The following PIK3C2G variants were observed in gnomAD, a reference collection of about 807,000 sequenced individuals.
PIK3C2G encodes phosphatidylinositol 3-kinase C2 domain-containing subunit gamma.
PIK3C2G carries 168 observed loss-of-function variants against 181.1 expected under a neutral mutation model. The observed-to-expected ratio is 0.93, with a 90% CI of 0.82 to 1.05. The LOEUF is 1.05. Among genes scored for constraint, PIK3C2G ranks in the 50% least tolerant of loss-of-function variants. The probability of loss-of-function intolerance (pLI) is 0.00; values close to 1 mark genes in which losing one functional copy is unlikely to be tolerated. For missense variants in PIK3C2G, 1,869 were observed against 1,732.8 expected, an observed-to-expected ratio of 1.08 and a Z score of -1.40; for synonymous variants, 573 against 592.2, an observed-to-expected ratio of 0.97 and a Z score of 0.47.
At chr12:18,640,656 TTCA>T in intron 32 of PIK3C2G, 102 bp downstream of exon 32, 3 of 1,028,236 alleles carry the variant, frequency 2.9e-6, no homozygotes, top group Non-Finnish European at 4.3e-6. Flanking sequence ...GCAGCATTAT[TTCA>T]TAAAGGAAAG....
chr12:18,469,048 T>C (rs1470933087), intron 18 of PIK3C2G, among the ~76,000 whole-genome samples: 2 of 152,052 alleles, frequency 1.3e-5, no homozygotes, highest in Non-Finnish European at 2.9e-5. Context: ...AGCAAAAGGG[T>C]CTCTAGAAAT....
chr12:18,518,629 T>C (rs1192947299), intron 24 of PIK3C2G, among the ~76,000 whole-genome samples: 1 of 152,182 alleles, frequency 6.6e-6, no homozygotes, highest in Non-Finnish European at 1.5e-5. Context: ...CTCTCTTTTC[T>C]TCTTTATTAT....
At chr12:18,287,867 G>GA (rs527900015) in intron 3 of PIK3C2G, among the ~76,000 whole-genome samples, 8,933 of 122,092 alleles carry the variant, frequency 0.073, 390 homozygotes, top group Middle Eastern at 0.11. Context: ...TCTCAAAAAA[G>GA]AAAAAAAAAA....
At chr12:18,360,904 T>C (rs1282970756) in intron 11 of PIK3C2G, among the ~76,000 whole-genome samples, 1 of 152,178 alleles carries the variant, frequency 6.6e-6, no homozygotes, top group Non-Finnish European at 1.5e-5. Context: ...TGGATGTTCA[T>C]TTTCTTCCCC....
chr12:18,696,311 T>C, the PIK3C2G span: 1 of 590,314 alleles, frequency 1.7e-6, no homozygotes, highest in Non-Finnish European at 2.8e-6. Context: ...TCAAATAAAT[T>C]TAAAAAGCCA....
intron 26 of PIK3C2G, among the ~76,000 whole-genome samples, chr12:18,551,374 A>T (rs1467905123): frequency 3.3e-5 from 5 of 152,116 alleles, no homozygotes. Flanking sequence ...AGCTGTCCTC[A>T]TCAAGAGCTA....
intron 8 of PIK3C2G, among the ~76,000 whole-genome samples, chr12:18,337,203 A>C (rs1293408400): frequency 6.6e-6 from 1 of 152,210 alleles, no homozygotes; most frequent in African/African-American, 2.4e-5. Flanking sequence ...GAATCAATGA[A>C]AAGAGAGATT....
chr12:18,601,025 C>A (rs1487240778), intron 30 of PIK3C2G, among the ~76,000 whole-genome samples: 1 of 151,916 alleles, frequency 6.6e-6, no homozygotes, highest in South Asian at 2.1e-4. Flanking sequence ...AAATCACAGA[C>A]CAATCTCACT....
At chr12:18,688,651 G>A in the PIK3C2G span, among the ~76,000 whole-genome samples, 20 of 151,868 alleles carry the variant, frequency 1.3e-4, no homozygotes, top group African/African-American at 4.6e-4. Flanking sequence ...CATTTTCTGA[G>A]TTTCACAAAA....
At chr12:18,687,767 A>C in the PIK3C2G span, among the ~76,000 whole-genome samples, 8,759 of 152,124 alleles carry the variant, frequency 0.058, 301 homozygotes, top group Non-Finnish European at 0.065. Context: ...CAAAGGCTAG[A>C]AGCTAAGTAG....
At chr12:18,672,238 C>CTTTTAATGAGAAAA in the PIK3C2G span, among the ~76,000 whole-genome samples, 1 of 152,106 alleles carries the variant, frequency 6.6e-6, no homozygotes, top group Admixed American at 6.5e-5. Flanking sequence ...GTTGTTACTG[C>CTTTTAATGAGAAAA]TTTTAATGAG....
intron 1 of PIK3C2G, among the ~76,000 whole-genome samples, chr12:18,268,421 A>T (rs984599575): frequency 6.6e-6 from 1 of 152,066 alleles, no homozygotes; most frequent in African/African-American, 2.4e-5. Context: ...AAGATTAGAG[A>T]TATCATTAAG....
chr12:18,432,980 A>G (rs1946246375), intron 18 of PIK3C2G, among the ~76,000 whole-genome samples: 1 of 139,160 alleles, frequency 7.2e-6, no homozygotes, highest in Non-Finnish European at 1.5e-5. Flanking sequence ...TGAAGATGTG[A>G]CTTTTTTTTT....
At chr12:18,489,326 T>G (rs1043731635) in intron 19 of PIK3C2G, among the ~76,000 whole-genome samples, 2 of 152,106 alleles carry the variant, frequency 1.3e-5, no homozygotes, top group African/African-American at 4.8e-5. Flanking sequence ...TACTATAGAC[T>G]AGGGGTTAAG....
chr12:18,378,414 T>C (rs932625951), intron 13 of PIK3C2G, among the ~76,000 whole-genome samples: 3 of 152,284 alleles, frequency 2.0e-5, no homozygotes, highest in Middle Eastern at 3.4e-3. Flanking sequence ...CAGTCTCTTT[T>C]GGATAAAAAA....
intron 1 of PIK3C2G, among the ~76,000 whole-genome samples, chr12:18,270,818 TA>T (rs1948716177): frequency 6.6e-6 from 1 of 152,138 alleles, no homozygotes; most frequent in Non-Finnish European, 1.5e-5. Flanking sequence ...ATATAAATTT[TA>T]AAAGGTATTT....
intron 32 of PIK3C2G, among the ~76,000 whole-genome samples, chr12:18,642,380 C>A (rs563282356): frequency 3.4e-4 from 52 of 152,186 alleles, no homozygotes; most frequent in Non-Finnish European, 6.8e-4. Flanking sequence ...TCTTCCTCCA[C>A]TGAATTTCTT....
chr12:18,628,486 T>C (rs891904105), intron 31 of PIK3C2G, among the ~76,000 whole-genome samples: 7 of 152,222 alleles, frequency 4.6e-5, no homozygotes, highest in East Asian at 1.9e-4. Context: ...TGAAATGCTA[T>C]ATGCAATCTG....
intron 11 of PIK3C2G, among the ~76,000 whole-genome samples, chr12:18,350,163 T>C (rs998572558): frequency 1.3e-5 from 2 of 152,046 alleles, no homozygotes; most frequent in Non-Finnish European, 2.9e-5. Context: ...TCAGTGAAAG[T>C]GAGTCCAGAG....
Sources: gnomAD v4.1 joint callset for allele counts (sites outside exome capture counted in the v4.1 genomes callset) on GRCh38, gnomAD v4.1.1 for gene constraint, MANE v1.5 for transcripts, NCBI Gene and HGNC (gene_info 2026-07-23, HGNC 2026-07-21) for gene names.